Variants in DHRSX observed in about 807,000 individuals in gnomAD.
The protein encoded by DHRSX is dehydrogenase/reductase X-linked.
DHRSX carries 31 observed loss-of-function variants against 34.0 expected under a neutral mutation model. The observed-to-expected ratio is 0.91, with a 90% CI of 0.69 to 1.23. The LOEUF is 1.23. Ranked by LOEUF, DHRSX falls within the 50% of genes most tolerant of loss-of-function variation. DHRSX has a pLI of 0.00. For missense variants in DHRSX, 414 were observed against 428.1 expected, an observed-to-expected ratio of 0.97 and a Z score of 0.29; for synonymous variants, 201 against 183.8, an observed-to-expected ratio of 1.09 and a Z score of -0.76.
chrX:2,223,222 G>A (rs768994875), intron 6 of DHRSX, among the ~76,000 whole-genome samples: 26 of 152,210 alleles, frequency 1.7e-4, no homozygotes, highest in Admixed American at 5.9e-4. Flanking sequence ...GATCTTTCTC[G>A]TGCTGTTCTC....
chrX:2,313,111 T>TC (rs2042183960), intron 3 of DHRSX, among the ~76,000 whole-genome samples: 1 of 151,686 alleles, frequency 6.6e-6, no homozygotes, highest in Admixed American at 6.6e-5. Flanking sequence ...CAAGCGATTC[T>TC]CTTGCCTCAG....
chrX:2,306,063 C>T (rs1341052438), intron 3 of DHRSX, among the ~76,000 whole-genome samples: 1 of 152,030 alleles, frequency 6.6e-6, no homozygotes, highest in African/African-American at 2.4e-5. Flanking sequence ...CAAACCACCA[C>T]GGCACATGTT....
chrX:2,460,430 T>G (rs1206850846), intron 1 of DHRSX, among the ~76,000 whole-genome samples: 5 of 152,168 alleles, frequency 3.3e-5, no homozygotes, highest in Non-Finnish European at 5.9e-5. Flanking sequence ...TAAATTTATT[T>G]TGGTTGAGAC....
intron 3 of DHRSX, among the ~76,000 whole-genome samples, chrX:2,366,762 A>AC (rs1556492317): frequency 1.4e-4 from 20 of 146,466 alleles, no homozygotes; most frequent in Admixed American, 4.1e-4. Context: ...TACCCGGATA[A>AC]TTTTTTTTTT....
chrX:2,414,758 T>C (rs1442080326), intron 2 of DHRSX, among the ~76,000 whole-genome samples: 1 of 151,766 alleles, frequency 6.6e-6, no homozygotes, highest in Non-Finnish European at 1.5e-5. Flanking sequence ...CTAGATCTTA[T>C]CATAACCTAA....
At chrX:2,320,449 T>G (rs1439105337) in intron 3 of DHRSX, among the ~76,000 whole-genome samples, 1 of 118,904 alleles carries the variant, frequency 8.4e-6, no homozygotes, top group Non-Finnish European at 1.8e-5. Context: ...CACGCACCAC[T>G]ACACCTGGCT....
intron 3 of DHRSX, among the ~76,000 whole-genome samples, chrX:2,381,248 G>A (rs1305022377): frequency 2.0e-5 from 3 of 152,150 alleles, no homozygotes; most frequent in African/African-American, 7.2e-5. Context: ...GGTCATGAGG[G>A]TGGGGCCTCA....
chrX:2,403,725 G>A (rs2043516779), intron 3 of DHRSX, among the ~76,000 whole-genome samples: 1 of 151,944 alleles, frequency 6.6e-6, no homozygotes, highest in Admixed American at 6.6e-5. Flanking sequence ...GCCTGGTGGT[G>A]GGTGTCTGTG....
chrX:2,488,652 C>T (rs1404047681), intron 1 of DHRSX: 4 of 1,608,810 alleles, frequency 2.5e-6, no homozygotes, highest in East Asian at 2.2e-5. Flanking sequence ...AAGCTGCTGT[C>T]CCTAATGCCA....
rs190033896 is a variant in DHRSX at position 2,253,042 on chromosome X, T to C, written c.597-9812A>G. ...CTCTACAAAAAATACAAAAAGTACC[T>C]GGGTGTGGTAAAGCACACCTGTAGT... is the stretch of plus-strand genomic sequence containing the variant. On this transcript the variant is annotated intron_variant, in intron 5 of 6. Coordinates refer to ENST00000334651, the MANE Select transcript of DHRSX (RefSeq NM_145177.3). 7.9e-3 allele frequency among the ~76,000 whole-genome samples: 1,200 copies of C among 152,320 alleles called. 7 individuals are homozygous for C. Among genetic ancestry groups the C allele is most frequent in the African/African-American group, 0.025 (1,033 of 41,572 alleles).
chrX:2,371,641 T>C (rs1340291030), intron 3 of DHRSX, among the ~76,000 whole-genome samples: 3 of 150,020 alleles, frequency 2.0e-5, no homozygotes, highest in Admixed American at 2.0e-4. Context: ...CCCGTTACCA[T>C]AGTCCACACT....
chrX:2,333,702 T>C (rs908298776), intron 3 of DHRSX, among the ~76,000 whole-genome samples: 2 of 152,046 alleles, frequency 1.3e-5, no homozygotes, highest in Admixed American at 6.6e-5. Flanking sequence ...TGTGAGCCAC[T>C]GCGCCCGGCC....
chrX:2,266,360 TCGG>T (rs2041471555), intron 5 of DHRSX, among the ~76,000 whole-genome samples: 2 of 94,724 alleles, frequency 2.1e-5, no homozygotes, highest in African/African-American at 4.1e-5. Context: ...GCACCAGTGC[TCGG>T]CAGATGCAGG....
intron 3 of DHRSX, among the ~76,000 whole-genome samples, chrX:2,314,546 A>AT (rs1247989044): frequency 1.4e-5 from 2 of 145,458 alleles, no homozygotes; most frequent in Non-Finnish European, 3.1e-5. Context: ...TAGAATGTGG[A>AT]TTTTTCCCAC....
chrX:2,404,015 T>C (rs1205285191), intron 3 of DHRSX, among the ~76,000 whole-genome samples: 1 of 152,182 alleles, frequency 6.6e-6, no homozygotes, highest in Admixed American at 6.5e-5. Context: ...GAACTATATA[T>C]AGTTTTTAAG....
chrX:2,476,114 G>A (rs2044674426), intron 1 of DHRSX, among the ~76,000 whole-genome samples: 2 of 152,088 alleles, frequency 1.3e-5, no homozygotes, highest in Admixed American at 6.6e-5. Context: ...ACAGCTGGCC[G>A]CCATGGCTCA....
Position 2,467,351 on chromosome X carries a change from G to A in DHRSX, c.109+33466C>T, listed in dbSNP as rs2044512003. ...AGCTTAGCGTCCACTGCAAAGCTCC[G>A]TGGCAGTTAGCTCTAGTCAGTTTGT... is the stretch of plus-strand genomic sequence containing the variant. On this transcript the variant is annotated intron_variant, in intron 1 of 6. Coordinates refer to ENST00000334651, the MANE Select transcript of DHRSX (RefSeq NM_145177.3). 2.0e-5 allele frequency among the ~76,000 whole-genome samples: 3 copies of A among 152,110 alleles called. No homozygotes were observed. The South Asian group carries it at 6.2e-4, about 32-fold the overall frequency.
intron 6 of DHRSX, among the ~76,000 whole-genome samples, chrX:2,226,794 C>CA (rs747462270): frequency 0.03 from 4,217 of 142,230 alleles, 116 homozygotes; most frequent in African/African-American, 0.069. Context: ...GATGCCATCT[C>CA]AAAAAAAAAA....
At chrX:2,340,869 A>T (rs1315986002) in intron 3 of DHRSX, among the ~76,000 whole-genome samples, 1 of 152,094 alleles carries the variant, frequency 6.6e-6, no homozygotes, top group Non-Finnish European at 1.5e-5. Context: ...TGGTGTTCCC[A>T]ATGGGACCTA....
Sources: gnomAD v4.1 joint callset for allele counts (sites outside exome capture counted in the v4.1 genomes callset) on GRCh38, gnomAD v4.1.1 for gene constraint, MANE v1.5 for transcripts, NCBI Gene and HGNC (gene_info 2026-07-23, HGNC 2026-07-21) for gene names.